CCDC40: variants seen among roughly 807,000 people sequenced by gnomAD.
The protein encoded by CCDC40 is coiled-coil domain-containing protein 40.
Under a neutral mutation model 124.5 loss-of-function variants are expected in CCDC40, and 104 were observed. The observed-to-expected ratio is 0.84, with a 90% CI of 0.71 to 0.98. The LOEUF is 0.98. Among genes scored for constraint, CCDC40 ranks in the 50% least tolerant of loss-of-function variants. CCDC40 has a pLI of 0.00. For synonymous variants in CCDC40, 580 were observed against 602.9 expected, an observed-to-expected ratio of 0.96 and a Z score of 0.56; for missense variants, 1,463 against 1,503.9, an observed-to-expected ratio of 0.97 and a Z score of 0.45.
At chr17:80,082,105 T>C in intron 12 of CCDC40, 47 bp downstream of exon 12, 1 of 1,585,450 alleles carries the variant, frequency 6.3e-7, no homozygotes, top group Middle Eastern at 1.7e-4. Context: ...CCCTGCAGCC[T>C]GGGCATATGA....
At chr17:80,071,287 G>A (rs558965353) in intron 10 of CCDC40, among the ~76,000 whole-genome samples, 4 of 152,162 alleles carry the variant, frequency 2.6e-5, no homozygotes, top group Admixed American at 6.5e-5. Context: ...GTCTTGGCCC[G>A]CAGCCACAGC....
rs116040138 is a variant in CCDC40, at chr17:80,065,327, A to G, written c.1441-158A>G. Among the ~76,000 whole-genome samples, 186 of 149,476 alleles carry G rather than the reference A, an allele frequency of 1.2e-3. 2 individuals carry two copies. The highest frequency in any genetic ancestry group is 4.4e-3 in the African/African-American group (179 of 40,486). On this transcript the variant is annotated intron_variant, in intron 9 of 19. Transcript: ENST00000397545. Reference sequence around the variant, plus strand: ...ACGGGTTATCTTGAAAGCTACATTCAGGCTCGTGTTTACCCCTCTGCAGAT... The same window carrying G: ...ACGGGTTATCTTGAAAGCTACATTCGGGCTCGTGTTTACCCCTCTGCAGAT...
chr17:80,085,483 T>C (rs1448593372), intron 13 of CCDC40, among the ~76,000 whole-genome samples: 1 of 152,064 alleles, frequency 6.6e-6, no homozygotes, highest in African/African-American at 2.4e-5. Flanking sequence ...GCACCCACCA[T>C]GGGGAAGCTA....
rs187324879 is a variant in CCDC40, at chr17:80,066,456, G to A, written c.1562+850G>A. 2.2e-6 allele frequency: 1 copy of A among 445,832 alleles called. No homozygotes were observed. Among genetic ancestry groups the A allele is most frequent in the Non-Finnish European group, 4.1e-6 (1 of 246,912 alleles). The allele number at this position is 445,832 out of a possible 1,614,324, so 27.6% of individuals were successfully genotyped here. The stretch of plus-strand genomic sequence containing the variant: ...AAACATTTTCAAATGAATAATATTG[G>A]ATTAACCATACTCATTTCTGGCCAG... On this transcript the variant is annotated intron_variant, in intron 10 of 19. Transcript: ENST00000397545. This position sits in a 1 kb window ranked among gnomAD's most constrained non-coding sequence, Gnocchi z 4.4.
At position 80,086,461 on chromosome 17, in the gene CCDC40, T is replaced by G. The variant is rs1371618308; in HGVS notation, c.2449+245T>G. 4 of 495,890 alleles carry G rather than the reference T, an allele frequency of 8.1e-6. No individual in the cohort carries two copies. Among genetic ancestry groups the G allele is most frequent in the Non-Finnish European group, 1.1e-5 (3 of 270,718 alleles). 30.7% of individuals were successfully genotyped at this position (495,890 alleles called of 1,614,324 possible). ...CGAAATGGCTCCAAGCTCACGGACTTCAGAGCTCTCCTTGAGAGAGGAGCA... is the reference window on the plus strand; with the variant it reads ...CGAAATGGCTCCAAGCTCACGGACTGCAGAGCTCTCCTTGAGAGAGGAGCA... On this transcript the variant is annotated intron_variant, in intron 14 of 19. Coordinates refer to ENST00000397545, the MANE Select transcript of CCDC40 (RefSeq NM_017950.4). This position sits in a 1 kb window ranked among gnomAD's most constrained non-coding sequence, Gnocchi z 5.5.
chr17:80,095,303 T>G lies in CCDC40; in HGVS notation c.2873T>G (p.Ile958Ser). The stretch of plus-strand genomic sequence containing the variant: ...CTGCTGAAGCAGCAGGAGAAGATGA[T>G]CCGTGCCATGGAGTTGGCGGTTGCC... ...GQLLKQQEKM[I>S]RAMELAVARR... Residue 958 changes from isoleucine (I) to serine (S), a missense_variant, in exon 18 of 20, where the codon ATC becomes AGC. By Grantham distance (142) the Ile-to-Ser change is moderately radical. Transcript: ENST00000397545. The G allele has an allele frequency of 6.2e-7, 1 of 1,614,014 alleles. No homozygotes were observed. Among genetic ancestry groups the G allele is most frequent in the Non-Finnish European group, 8.5e-7 (1 of 1,180,036 alleles).
chr17:80,070,878 G>A (rs8075379), intron 10 of CCDC40, among the ~76,000 whole-genome samples: 2,338 of 152,302 alleles, frequency 0.015, 60 homozygotes, highest in African/African-American at 0.054. Context: ...GGGAATGACC[G>A]TGGCTGTGGG....
chr17:80,090,215 A>C lies in CCDC40; in HGVS notation c.2832+331A>C, dbSNP rs1567813185. 83 of 765,778 alleles carry C rather than the reference A, an allele frequency of 1.1e-4. 17 individuals carry two copies. The highest frequency in any genetic ancestry group is 3.3e-4 in the East Asian group (10 of 30,578). 47.4% of individuals were successfully genotyped at this position (765,778 alleles called of 1,614,324 possible). On this transcript the variant is annotated intron_variant, in intron 17 of 19. Transcript: ENST00000397545. ...GGGACGCACGCAGGCACGTGCACGA[A>C]GAACACGGGACGCGCGCAGGCACGT... is the stretch of plus-strand genomic sequence containing the variant.
intron 17 of CCDC40, among the ~76,000 whole-genome samples, chr17:80,094,790 T>A (rs2038778343): frequency 6.6e-6 from 1 of 152,074 alleles, no homozygotes; most frequent in African/African-American, 2.4e-5. Context: ...TTTCTATGAC[T>A]CCAGAAAGTT....
chr17:80,090,294 C>T lies in CCDC40; in HGVS notation c.2832+410C>T, dbSNP rs1330350850. 6.9e-6 allele frequency: 9 copies of T among 1,312,902 alleles called. 3 individuals carry two copies. The African/African-American group carries it at 7.7e-5, about 11-fold the overall frequency. The allele number at this position is 1,312,902 out of a possible 1,614,324, so 81.3% of individuals were successfully genotyped here. ...ACGTGCACGAACAACACGGGACGCG[C>T]GCAGGCACGTGCACGAACAACACGG... On this transcript the variant is annotated intron_variant, in intron 17 of 19. Coordinates refer to ENST00000397545, the MANE Select transcript of CCDC40 (RefSeq NM_017950.4).
At chr17:80,037,683 T>A (rs868208620) in intron 1 of CCDC40, among the ~76,000 whole-genome samples, 10,135 of 44,100 alleles carry the variant, frequency 0.23, 629 homozygotes, top group Middle Eastern at 0.35. Context: ...TTTAATTTTT[T>A]AAAAAAGATA....
chr17:80,073,778 C>G (rs1477833089), intron 10 of CCDC40, among the ~76,000 whole-genome samples: 1 of 152,156 alleles, frequency 6.6e-6, no homozygotes, highest in Non-Finnish European at 1.5e-5. Context: ...TCATTGCAAC[C>G]TCTACCTCCC....
At position 80,081,670 on chromosome 17, in the gene CCDC40, A is replaced by G. The variant is rs780848862; in HGVS notation, c.1687A>G (p.Thr563Ala). Reference protein sequence around the residue: ...SILNRTETEATLLQKLTTQCL... With the variant: ...SILNRTETEAALLQKLTTQCL... ...CCTGAACCGGACAGAGACGGAAGCC[A>G]CACTGCTGCAGAAGCTCACCACCCA... The change falls in exon 11 of 20, where the codon ACA (threonine) becomes GCA (alanine). Residue 563 changes from threonine (T) to alanine (A), a missense_variant. Thr to Ala is a moderately conservative substitution (Grantham distance 58, BLOSUM62 0). Transcript: ENST00000397545. 6 of 1,614,202 alleles carry G rather than the reference A, an allele frequency of 3.7e-6. No homozygotes were observed. The highest frequency in any genetic ancestry group is 1.7e-5 in the Admixed American group (1 of 60,028).
At chr17:80,042,086 G>A (rs1390969925) in intron 3 of CCDC40, among the ~76,000 whole-genome samples, 2 of 152,086 alleles carry the variant, frequency 1.3e-5, no homozygotes, top group East Asian at 3.8e-4. Context: ...AACGTATACA[G>A]GTGTTATACA....
chr17:80,099,500 C>T, intron 19 of CCDC40, 27 bp from the exon 20 acceptor site: 1 of 1,601,668 alleles, frequency 6.2e-7, no homozygotes, highest in Non-Finnish European at 8.5e-7. Context: ...TTGCATAGCC[C>T]TATATGGAGT....
intron 12 of CCDC40, 88 bp downstream of exon 12, chr17:80,082,146 G>C (rs2038467000): frequency 8.7e-7 from 1 of 1,143,664 alleles, no homozygotes; most frequent in African/African-American, 1.6e-5. Context: ...GGAGAGGGCG[G>C]AGTCAGTGTG....
At chr17:80,039,570 C>A (rs1227690222) in intron 2 of CCDC40, among the ~76,000 whole-genome samples, 1 of 151,752 alleles carries the variant, frequency 6.6e-6, no homozygotes, top group African/African-American at 2.4e-5. Context: ...CACCACCATA[C>A]CCAGCTAATT....
chr17:80,062,208 G>A (rs1431169752), intron 9 of CCDC40, among the ~76,000 whole-genome samples: 1 of 152,152 alleles, frequency 6.6e-6, no homozygotes, highest in Admixed American at 6.5e-5. Context: ...GAGGACATTA[G>A]TGAAACCCAT....
chr17:80,074,417 G>A (rs1428535559), intron 10 of CCDC40, among the ~76,000 whole-genome samples: 26 of 152,152 alleles, frequency 1.7e-4, no homozygotes, highest in African/African-American at 5.3e-4. Flanking sequence ...CCCAGGAGGC[G>A]GAGGTTGCAG....
Sources: allele counts gnomAD v4.1 joint callset (sites outside exome capture counted in the v4.1 genomes callset), GRCh38; gene constraint gnomAD v4.1.1; non-coding constraint Gnocchi (gnomAD v3.1); transcripts MANE v1.5; gene names NCBI Gene and HGNC (gene_info 2026-07-23, HGNC 2026-07-21).